TOX: variants seen among roughly 807,000 people sequenced by gnomAD.
The protein encoded by TOX is thymocyte selection-associated high mobility group box protein TOX.
A neutral mutation model predicts 53.7 loss-of-function variants in TOX; 11 were observed. The observed-to-expected ratio is 0.20, with a 90% confidence interval of 0.13 to 0.34. The LOEUF (loss-of-function observed/expected upper bound fraction) is 0.34, where lower values mean the gene tolerates loss of function less well. TOX is among the 10% of genes least tolerant of loss of function. The probability of loss-of-function intolerance (pLI) is 1.00; values close to 1 mark genes in which losing one functional copy is unlikely to be tolerated. For missense variants in TOX, 570 were observed against 664.6 expected (o/e 0.86, Z 1.56); for synonymous variants, 225 against 245.3 (o/e 0.92, Z 0.77).
At chr8:59,111,875 T>C (rs993727548) in intron 1 of TOX, among the ~76,000 whole-genome samples, 1 of 152,102 alleles carries the variant, frequency 6.6e-6, no homozygotes, top group Non-Finnish European at 1.5e-5. Flanking sequence ...AAACGATAAA[T>C]ACTTGGCTAA....
At chr8:58,973,347 T>A (rs76996574) in intron 1 of TOX, among the ~76,000 whole-genome samples, 7,393 of 152,316 alleles carry the variant, frequency 0.049, 225 homozygotes, top group South Asian at 0.097. Context: ...TTTCTCAAAA[T>A]AGGTACTTTC....
chr8:59,074,766 A>C (rs571652225), intron 1 of TOX, among the ~76,000 whole-genome samples: 2 of 152,322 alleles, frequency 1.3e-5, no homozygotes, highest in Admixed American at 1.3e-4. Flanking sequence ...TGAGCATTAA[A>C]GGAGCGACAG....
chr8:59,050,634 C>T (rs1803772452), intron 1 of TOX, among the ~76,000 whole-genome samples: 1 of 152,040 alleles, frequency 6.6e-6, no homozygotes, highest in Non-Finnish European at 1.5e-5. Context: ...ATCCTAATTC[C>T]TTGTACTAAT....
intron 1 of TOX, among the ~76,000 whole-genome samples, chr8:59,018,499 T>A (rs574138179): frequency 6.4e-4 from 98 of 152,274 alleles, no homozygotes; most frequent in African/African-American, 2.3e-3. Context: ...TCCAATAGAT[T>A]AAGTAAGTTG....
intron 3 of TOX, among the ~76,000 whole-genome samples, chr8:58,925,044 T>C (rs1031104769): frequency 1.6e-4 from 24 of 152,218 alleles, no homozygotes; most frequent in African/African-American, 5.8e-4. Flanking sequence ...ATGCACCTCG[T>C]GCACAGCCAC....
intron 1 of TOX, among the ~76,000 whole-genome samples, chr8:59,055,246 G>A (rs1411330607): frequency 6.6e-6 from 1 of 152,186 alleles, no homozygotes; most frequent in African/African-American, 2.4e-5. Flanking sequence ...AAGCACTGTT[G>A]TAAAGCAATA....
chr8:58,989,992 T>A (rs563745565), intron 1 of TOX, among the ~76,000 whole-genome samples: 31 of 152,182 alleles, frequency 2.0e-4, no homozygotes, highest in Non-Finnish European at 4.0e-4. Context: ...CAGTGCTGTA[T>A]CCCAGCAATG....
intron 3 of TOX, among the ~76,000 whole-genome samples, chr8:58,854,409 C>T (rs1810877159): frequency 6.6e-6 from 1 of 150,910 alleles, no homozygotes; most frequent in Non-Finnish European, 1.5e-5. Flanking sequence ...GCAATCTTCA[C>T]TTTATCGCAC....
intron 2 of TOX, among the ~76,000 whole-genome samples, chr8:58,940,715 G>A (rs923496984): frequency 6.6e-6 from 1 of 152,130 alleles, no homozygotes; most frequent in Admixed American, 6.5e-5. Flanking sequence ...GCAAGGGTGG[G>A]AGCCAAATAA....
At chr8:58,920,410 A>T in intron 3 of TOX, among the ~76,000 whole-genome samples, 1 of 57,494 alleles carries the variant, frequency 1.7e-5, no homozygotes, top group East Asian at 4.8e-4. Context: ...CTTTGTAGGG[A>T]CATGTATGAA....
chr8:58,884,051 G>A (rs544358138), intron 3 of TOX, among the ~76,000 whole-genome samples: 8 of 151,978 alleles, frequency 5.3e-5, no homozygotes, highest in South Asian at 2.1e-4. Context: ...TTCTATTTTC[G>A]TCAAACCACC....
intron 1 of TOX, among the ~76,000 whole-genome samples, chr8:59,059,482 A>G (rs1474976774): frequency 6.6e-6 from 1 of 152,224 alleles, no homozygotes; most frequent in Non-Finnish European, 1.5e-5. Context: ...AAGGAAGAAT[A>G]AAGAGTCATT....
rs117270650 is a variant in TOX at position 58,944,827 on chromosome 8, T to C, written c.169-5283A>G. ...CAACAAAACAAACAACTGTAGACAG[T>C]ACAGAAGATTTAGATCCATTCTCCA... On this transcript the variant is annotated intron_variant, in intron 2 of 8. Transcript: ENST00000361421. Among the ~76,000 whole-genome samples the C allele has an allele frequency of 3.5e-3, 533 of 152,326 alleles. 2 individuals carry two copies. Among genetic ancestry groups the C allele is most frequent in the Non-Finnish European group, 6.5e-3 (439 of 68,026 alleles).
rs1809977636 is a variant in TOX, at chr8:58,806,449, T to A, written c.*1298A>T. The stretch of plus-strand genomic sequence containing the variant: ...GGGGGCGGGGGGTGGTGGTTCAGAA[T>A]TGACTAGAACCAGCTGAGAACCAAG... On this transcript the variant is annotated 3_prime_UTR_variant, in exon 9 of 9. Coordinates refer to ENST00000361421, the MANE Select transcript of TOX (RefSeq NM_014729.3). 1 of 152,194 alleles carries A rather than the reference T, an allele frequency of 6.6e-6. No individual in the cohort carries two copies. The highest frequency in any genetic ancestry group is 1.5e-5 in the Non-Finnish European group (1 of 68,110). The allele number at this position is 152,194 out of a possible 1,614,324, so 9.4% of individuals were successfully genotyped here.
At chr8:58,848,434 G>A (rs894712045) in intron 4 of TOX, among the ~76,000 whole-genome samples, 1 of 151,974 alleles carries the variant, frequency 6.6e-6, no homozygotes, top group East Asian at 1.9e-4. Context: ...TAAAGTAAAA[G>A]CTCATTTAAC....
chr8:58,959,540 T>C (rs1812766370), intron 2 of TOX, among the ~76,000 whole-genome samples: 1 of 152,220 alleles, frequency 6.6e-6, no homozygotes. Flanking sequence ...GTTACGAACG[T>C]TACGTTTTGT....
intron 1 of TOX, among the ~76,000 whole-genome samples, chr8:59,059,305 G>A (rs1172349043): frequency 1.3e-5 from 2 of 152,098 alleles, no homozygotes; most frequent in Non-Finnish European, 1.5e-5. Context: ...AGAAGGTGGG[G>A]CTACCTTGGA....
intron 1 of TOX, among the ~76,000 whole-genome samples, chr8:59,101,301 A>G (rs926495455): frequency 6.6e-6 from 1 of 152,174 alleles, no homozygotes; most frequent in Non-Finnish European, 1.5e-5. Flanking sequence ...CCATTTTAGC[A>G]CAGTTCCTGG....
chr8:59,102,291 T>A (rs893189224), intron 1 of TOX, among the ~76,000 whole-genome samples: 2 of 152,118 alleles, frequency 1.3e-5, no homozygotes, highest in Non-Finnish European at 1.5e-5. Context: ...ACAGTGGGGC[T>A]ATCTCCACTC....
Sources: allele counts gnomAD v4.1 joint callset (sites outside exome capture counted in the v4.1 genomes callset), GRCh38; gene constraint gnomAD v4.1.1; transcripts MANE v1.5; gene names NCBI Gene and HGNC (gene_info 2026-07-23, HGNC 2026-07-21).